The following ADAMTS12 variants were observed in gnomAD, a reference collection of about 807,000 sequenced individuals.
The protein encoded by ADAMTS12 is A disintegrin and metalloproteinase with thrombospondin motifs 12.
Under a neutral mutation model 167.8 loss-of-function variants are expected in ADAMTS12, and 118 were observed. The observed-to-expected ratio is 0.70, with a 90% confidence interval of 0.61 to 0.82. The LOEUF is 0.82. Among genes scored for constraint, ADAMTS12 ranks in the 40% least tolerant of loss-of-function variants. The pLI, the probability that ADAMTS12 is intolerant of heterozygous loss-of-function variation, is 0.00. For synonymous variants in ADAMTS12, 704 were observed against 716.9 expected, an observed-to-expected ratio of 0.98 and a Z score of 0.29; for missense variants, 1,916 against 1,998.8, an observed-to-expected ratio of 0.96 and a Z score of 0.79.
intron 3 of ADAMTS12, among the ~76,000 whole-genome samples, chr5:33,749,870 T>C (rs1438719553): frequency 1.3e-5 from 2 of 152,180 alleles, no homozygotes; most frequent in African/African-American, 2.4e-5. Context: ...AGGGGAGTTA[T>C]GAGAGAGAGG....
At chr5:33,785,702 T>C (rs1746300977) in intron 2 of ADAMTS12, among the ~76,000 whole-genome samples, 1 of 152,172 alleles carries the variant, frequency 6.6e-6, no homozygotes, top group African/African-American at 2.4e-5. Context: ...CTGAAACCCT[T>C]GTATGTTGCT....
At chr5:33,828,039 C>T (rs1427216989) in intron 2 of ADAMTS12, among the ~76,000 whole-genome samples, 2 of 152,106 alleles carry the variant, frequency 1.3e-5, no homozygotes, top group African/African-American at 4.8e-5. Context: ...AGAATTCCTC[C>T]AGGGCATATA....
At chr5:33,621,946 G>T (rs534336387) in intron 14 of ADAMTS12, among the ~76,000 whole-genome samples, 2 of 152,320 alleles carry the variant, frequency 1.3e-5, no homozygotes, top group South Asian at 4.1e-4. Flanking sequence ...TCTCAAAAGA[G>T]GGTTGTGAGA....
At chr5:33,721,441 C>T (rs984844982) in intron 3 of ADAMTS12, among the ~76,000 whole-genome samples, 1 of 152,172 alleles carries the variant, frequency 6.6e-6, no homozygotes, top group Non-Finnish European at 1.5e-5. Flanking sequence ...GAGGCAGAAC[C>T]AATCATGAGA....
intron 2 of ADAMTS12, among the ~76,000 whole-genome samples, chr5:33,872,278 G>C (rs1750065862): frequency 6.6e-6 from 1 of 152,156 alleles, no homozygotes; most frequent in South Asian, 2.1e-4. Context: ...GGGCGTGGTG[G>C]CTCACGCCTG....
At chr5:33,579,388 G>C (rs751270228) in intron 18 of ADAMTS12, among the ~76,000 whole-genome samples, 10 of 152,228 alleles carry the variant, frequency 6.6e-5, no homozygotes, top group Middle Eastern at 3.4e-3. Context: ...CTCTCTTTCG[G>C]CTTTCCTTTC....
At chr5:33,761,873 T>G (rs907153104) in intron 2 of ADAMTS12, among the ~76,000 whole-genome samples, 2 of 152,154 alleles carry the variant, frequency 1.3e-5, no homozygotes, top group African/African-American at 4.8e-5. Context: ...GGAGAGGAGC[T>G]GAGAAAGTCT....
intron 3 of ADAMTS12, among the ~76,000 whole-genome samples, chr5:33,744,753 G>T (rs1050040939): frequency 1.3e-5 from 2 of 152,296 alleles, no homozygotes; most frequent in African/African-American, 4.8e-5. Flanking sequence ...CTCACCAGGG[G>T]TTTACTTGCC....
intron 2 of ADAMTS12, among the ~76,000 whole-genome samples, chr5:33,776,027 A>G (rs557779491): frequency 5.3e-5 from 8 of 152,286 alleles, no homozygotes; most frequent in Non-Finnish European, 1.2e-4. Flanking sequence ...AAACATAACA[A>G]TTGTACATAA....
intron 20 of ADAMTS12, among the ~76,000 whole-genome samples, chr5:33,558,772 G>A (rs1745599441): frequency 6.6e-6 from 1 of 152,148 alleles, no homozygotes; most frequent in Non-Finnish European, 1.5e-5. Flanking sequence ...GTCAACATTT[G>A]GCAAGCTCAG....
intron 2 of ADAMTS12, among the ~76,000 whole-genome samples, chr5:33,806,477 T>C (rs183748475): frequency 4.9e-4 from 75 of 152,342 alleles, no homozygotes; most frequent in African/African-American, 1.8e-3. Flanking sequence ...CATTCTTACA[T>C]GGAAAAGTAG....
chr5:33,757,834 C>T (rs720797), intron 2 of ADAMTS12, among the ~76,000 whole-genome samples: 2,261 of 152,196 alleles, frequency 0.015, 84 homozygotes, highest in East Asian at 0.14. Flanking sequence ...AGACACTATA[C>T]GTAAAATGTC....
intron 19 of ADAMTS12, among the ~76,000 whole-genome samples, chr5:33,568,732 G>C (rs1289687666): frequency 6.6e-6 from 1 of 152,218 alleles, no homozygotes; most frequent in Non-Finnish European, 1.5e-5. Context: ...GGGAGTGCCA[G>C]AAAGTGGGCA....
At chr5:33,546,588 C>A (rs1160980637) in intron 21 of ADAMTS12, among the ~76,000 whole-genome samples, 1 of 152,094 alleles carries the variant, frequency 6.6e-6, no homozygotes, top group Non-Finnish European at 1.5e-5. Flanking sequence ...TTTAGTCTTC[C>A]TTTTCCACTG....
chr5:33,598,272 C>T (rs1738011829), intron 16 of ADAMTS12, among the ~76,000 whole-genome samples: 1 of 152,094 alleles, frequency 6.6e-6, no homozygotes, highest in African/African-American at 2.4e-5. Flanking sequence ...CAATGAGGGC[C>T]CCAACCCAGT....
intron 16 of ADAMTS12, 78 bp from the exon 17 acceptor site, chr5:33,596,138 C>G (rs10461704): frequency 1.3e-6 from 2 of 1,532,042 alleles, no homozygotes; most frequent in Non-Finnish European, 1.8e-6. Context: ...TACCTGACCA[C>G]GTCAACGATC....
chr5:33,634,712 T>C (rs2112156143), intron 12 of ADAMTS12, among the ~76,000 whole-genome samples: 1 of 152,228 alleles, frequency 6.6e-6, no homozygotes, highest in South Asian at 2.1e-4. Flanking sequence ...CCACAATACA[T>C]AGAAATATGT....
At chr5:33,798,434 C>CTTTTT (rs3037113) in intron 2 of ADAMTS12, among the ~76,000 whole-genome samples, 40 of 69,244 alleles carry the variant, frequency 5.8e-4, no homozygotes, top group Non-Finnish European at 7.7e-4. Context: ...TTCTTTGTAT[C>CTTTTT]TTTTTTTTTT....
At chr5:33,877,621 A>T (rs1331516624) in intron 2 of ADAMTS12, among the ~76,000 whole-genome samples, 1 of 152,198 alleles carries the variant, frequency 6.6e-6, no homozygotes, top group Non-Finnish European at 1.5e-5. Flanking sequence ...TGTTGATGGG[A>T]GAAGGGTAGT....
Sources: gnomAD v4.1 joint callset for allele counts (sites outside exome capture counted in the v4.1 genomes callset) on GRCh38, gnomAD v4.1.1 for gene constraint, MANE v1.5 for transcripts, NCBI Gene and HGNC (gene_info 2026-07-23, HGNC 2026-07-21) for gene names.